Variants in RALGPS2 observed in about 807,000 individuals in gnomAD.
RALGPS2 encodes ras-specific guanine nucleotide-releasing factor RalGPS2.
RALGPS2 carries 43 observed loss-of-function variants against 86.8 expected under a neutral mutation model. The observed-to-expected ratio is 0.50, with a 90% CI of 0.39 to 0.64. RALGPS2 has a LOEUF of 0.64. Among genes scored for constraint, RALGPS2 ranks in the 30% least tolerant of loss-of-function variants. RALGPS2 has a pLI of 0.00. For synonymous variants in RALGPS2, 243 were observed against 231.3 expected, an observed-to-expected ratio of 1.05 and a Z score of -0.46; for missense variants, 536 against 694.6, an observed-to-expected ratio of 0.77 and a Z score of 2.57.
chr1:178,767,669 C>A (rs1431042696), intron 1 of RALGPS2, among the ~76,000 whole-genome samples: 5 of 152,200 alleles, frequency 3.3e-5, no homozygotes, highest in Non-Finnish European at 7.3e-5. Flanking sequence ...GGGCTGGAAG[C>A]TGTTGCAGAT....
intron 8 of RALGPS2, among the ~76,000 whole-genome samples, chr1:178,856,425 T>TTTTTTTTTTTTTTTTC (rs1558152837): frequency 7.9e-6 from 1 of 126,536 alleles, no homozygotes; most frequent in East Asian, 2.3e-4. Context: ...TTTTTTTTTT[T>TTTTTTTTTTTTTTTTC]TGAGAGATGA....
At chr1:178,730,763 G>A (rs746090537) in intron 1 of RALGPS2, among the ~76,000 whole-genome samples, 7 of 150,954 alleles carry the variant, frequency 4.6e-5, no homozygotes, top group Non-Finnish European at 8.8e-5. Flanking sequence ...GTGCAATGGC[G>A]TGATCTCGGC....
chr1:178,779,242 A>G (rs565938982), intron 2 of RALGPS2, among the ~76,000 whole-genome samples: 1 of 152,284 alleles, frequency 6.6e-6, no homozygotes, highest in African/African-American at 2.4e-5. Context: ...CCTCTAGTTA[A>G]TATATTATGA....
intron 1 of RALGPS2, among the ~76,000 whole-genome samples, chr1:178,758,110 A>G (rs975736436): frequency 1.3e-5 from 2 of 151,838 alleles, no homozygotes; most frequent in African/African-American, 2.4e-5. Context: ...GATGTTTTGT[A>G]TTTCTGTGGA....
intron 13 of RALGPS2, among the ~76,000 whole-genome samples, chr1:178,888,054 T>C (rs1267041217): frequency 6.6e-6 from 1 of 152,214 alleles, no homozygotes; most frequent in African/African-American, 2.4e-5. Flanking sequence ...TCCTTTTGGC[T>C]ACCAAAAGAT....
chr1:178,883,206 GCCAGGCTT>G (rs1659334715), intron 10 of RALGPS2, among the ~76,000 whole-genome samples: 1 of 152,100 alleles, frequency 6.6e-6, no homozygotes. Flanking sequence ...ATTGCCCTTG[GCCAGGCTT>G]GGTGGCTCAT....
chr1:178,785,606 A>T lies in RALGPS2; in HGVS notation c.212A>T (p.Asp71Val), dbSNP rs774239123. ...DVPVFKAIQP[D>V]ELSSCGWNKK... ...CCAGTATTTAAAGCTATTCAACCAG[A>T]TGTAAGTAGTTTTGAGAATGTTCCT... The change falls in exon 4 of 20, where the codon GAT becomes GTT. Residue 71 changes from aspartate (D) to valine (V), a missense_variant and splice_region_variant. Physicochemically the swap from Asp to Val is radical, Grantham distance 152 (BLOSUM62 -3). Around this residue, in one of 3 missense-constraint regions of RALGPS2, gnomAD observed 184 missense variants for 296.7 expected, o/e 0.62. Transcript: ENST00000367635. 1.9e-6 allele frequency: 3 copies of T among 1,582,072 alleles called. No individual in the cohort carries two copies. In the South Asian group the frequency reaches 3.5e-5, roughly 19 times the overall value.
intron 1 of RALGPS2, among the ~76,000 whole-genome samples, chr1:178,730,512 AT>A (rs1193906892): frequency 4.0e-5 from 6 of 149,380 alleles, no homozygotes; most frequent in East Asian, 2.0e-4. Flanking sequence ...TTTGTCTCTA[AT>A]TTTTTTTTCT....
chr1:178,903,920 T>C (rs1403625831), intron 18 of RALGPS2, among the ~76,000 whole-genome samples: 1 of 152,188 alleles, frequency 6.6e-6, no homozygotes, highest in Admixed American at 6.5e-5. Context: ...CCTCAGGGAA[T>C]CTCCACACTG....
chr1:178,825,750 G>C (rs948278202), intron 7 of RALGPS2, among the ~76,000 whole-genome samples: 1 of 152,120 alleles, frequency 6.6e-6, no homozygotes. Context: ...TTAGCTCCTT[G>C]ATCATACTAG....
intron 8 of RALGPS2, among the ~76,000 whole-genome samples, chr1:178,851,525 T>C (rs960947229): frequency 1.3e-5 from 2 of 152,080 alleles, no homozygotes; most frequent in African/African-American, 4.8e-5. Flanking sequence ...TTTAACTCTT[T>C]GCTTGCTTAC....
At chr1:178,758,631 A>G (rs1652071592) in intron 1 of RALGPS2, among the ~76,000 whole-genome samples, 1 of 151,960 alleles carries the variant, frequency 6.6e-6, no homozygotes, top group Admixed American at 6.6e-5. Context: ...TTTAGCTCTC[A>G]CAAATAAGTG....
Position 178,894,012 on chromosome 1 carries a change from C to A in RALGPS2, c.1419C>A (p.Gly473=). The A allele has an allele frequency of 6.3e-7, 1 of 1,580,356 alleles. No individual in the cohort carries two copies. Among genetic ancestry groups the A allele is most frequent in the Admixed American group, 1.7e-5 (1 of 58,244 alleles). The change falls in exon 16 of 20, where the codon GGC becomes GGA. Residue 473 remains glycine (G), a synonymous_variant. Transcript: ENST00000367635. The part of the protein sequence containing the change: ...VLRRKTLLKE[G]KKPTVASWTK... ...GGAGAAAAACTTTGTTAAAAGAAGG[C>A]AAAAAGCCTACAGTAAGATTTCATC...
intron 1 of RALGPS2, chr1:178,725,845 C>T (rs934809732): frequency 6.6e-6 from 1 of 152,336 alleles, no homozygotes; most frequent in African/African-American, 2.4e-5. Context: ...GAGCCAGGAC[C>T]AGCAGAAGCC....
chr1:178,733,036 T>C (rs1162795004), intron 1 of RALGPS2, among the ~76,000 whole-genome samples: 3 of 152,212 alleles, frequency 2.0e-5, no homozygotes, highest in Admixed American at 6.5e-5. Flanking sequence ...GTTGTAAAGC[T>C]TTCTTTTTTT....
At chr1:178,815,661 T>TATCAAGTCCA (rs1655191551) in intron 6 of RALGPS2, among the ~76,000 whole-genome samples, 1 of 152,204 alleles carries the variant, frequency 6.6e-6, no homozygotes, top group Non-Finnish European at 1.5e-5. Context: ...TTAAGTCCAA[T>TATCAAGTCCA]ATCAAGGTGT....
intron 1 of RALGPS2, chr1:178,746,984 G>A (rs913128091): frequency 7.5e-5 from 72 of 956,324 alleles, no homozygotes; most frequent in Non-Finnish European, 1.2e-4. Context: ...TCTTTCCATC[G>A]TTTCTGTATA....
chr1:178,797,931 AT>A (rs957504678), intron 4 of RALGPS2, among the ~76,000 whole-genome samples: 3 of 138,278 alleles, frequency 2.2e-5, no homozygotes, highest in Non-Finnish European at 4.6e-5. Context: ...TCATACACAT[AT>A]TTTTTTCAAT....
chr1:178,915,153 T>C (rs1298134937), intron 19 of RALGPS2, among the ~76,000 whole-genome samples: 2 of 152,232 alleles, frequency 1.3e-5, no homozygotes, highest in African/African-American at 2.4e-5. Flanking sequence ...AGTAGAAAAC[T>C]CTGACTCAAA....
Sources: allele counts gnomAD v4.1 joint callset (sites outside exome capture counted in the v4.1 genomes callset), GRCh38; gene constraint gnomAD v4.1.1; regional missense constraint gnomAD v4.1.1; transcripts MANE v1.5; gene names NCBI Gene and HGNC (gene_info 2026-07-23, HGNC 2026-07-21).